The following RNF111 variants were observed in gnomAD, a reference collection of about 807,000 sequenced individuals.
RNF111 encodes the protein ring finger protein 111.
In RNF111, 17 loss-of-function variants were observed where a neutral mutation model predicts 95.1. The observed-to-expected ratio is 0.18, with a 90% CI of 0.12 to 0.27. RNF111 has a LOEUF of 0.27. Ranked by LOEUF, RNF111 falls within the 10% of genes least tolerant of loss-of-function variation. The probability of loss-of-function intolerance (pLI) is 1.00; values close to 1 mark genes in which losing one functional copy is unlikely to be tolerated. For missense variants in RNF111, 1,189 were observed against 1,210.4 expected, an observed-to-expected ratio of 0.98 and a Z score of 0.26; for synonymous variants, 440 against 414.8, an observed-to-expected ratio of 1.06 and a Z score of -0.74.
At chr15:59,085,188 C>G (rs1406722019) in intron 9 of RNF111, among the ~76,000 whole-genome samples, 2 of 152,172 alleles carry the variant, frequency 1.3e-5, no homozygotes, top group African/African-American at 4.8e-5. Context: ...CAGTTTTACC[C>G]CTTCTAAAAT....
At chr15:59,040,208 T>C (rs1427074869) in intron 2 of RNF111, among the ~76,000 whole-genome samples, 4 of 151,932 alleles carry the variant, frequency 2.6e-5, no homozygotes, top group Admixed American at 2.6e-4. Context: ...CTTGACCTCC[T>C]GGGCTCAAGT....
chr15:59,091,688 C>T (rs866742565), intron 12 of RNF111, among the ~76,000 whole-genome samples: 33 of 152,288 alleles, frequency 2.2e-4, no homozygotes, highest in African/African-American at 6.7e-4. Flanking sequence ...ATGTTAAATA[C>T]GTGTCTTAAA....
At chr15:59,034,276 A>C (rs113589308) in intron 2 of RNF111, among the ~76,000 whole-genome samples, 31 of 152,242 alleles carry the variant, frequency 2.0e-4, no homozygotes, top group African/African-American at 7.0e-4. Context: ...CTTGCGTTTT[A>C]TACACCTATG....
At chr15:59,000,588 T>C (rs1304077363) in intron 1 of RNF111, among the ~76,000 whole-genome samples, 3 of 151,686 alleles carry the variant, frequency 2.0e-5, no homozygotes, top group Non-Finnish European at 4.4e-5. Context: ...CGGGCGCCTA[T>C]AATCCTAGCT....
chr15:59,072,463 T>TTC (rs2042976422), intron 6 of RNF111, among the ~76,000 whole-genome samples: 1 of 147,424 alleles, frequency 6.8e-6, no homozygotes. Flanking sequence ...TTTTTTTTTT[T>TTC]TTTTTTTTTT....
At chr15:59,075,242 A>G (rs1429387030) in intron 6 of RNF111, among the ~76,000 whole-genome samples, 3 of 152,236 alleles carry the variant, frequency 2.0e-5, no homozygotes, top group African/African-American at 4.8e-5. Context: ...CAAACCTTCA[A>G]TTTATTAAAA....
chr15:59,020,844 G>T (rs1430786255), intron 1 of RNF111, among the ~76,000 whole-genome samples: 3 of 152,070 alleles, frequency 2.0e-5, no homozygotes, highest in Admixed American at 6.6e-5. Flanking sequence ...AAAGAAATTT[G>T]GTTCTTTGTT....
intron 8 of RNF111, 58 bp downstream of exon 8, chr15:59,081,342 G>C: frequency 7.0e-7 from 1 of 1,428,390 alleles, no homozygotes; most frequent in Non-Finnish European, 9.6e-7. Context: ...ACTTCCATTG[G>C]TCTTTACAAC....
In RNF111 at chr15:59,080,208, C is replaced by G. The variant is rs539582336; in HGVS notation, c.1949-728C>G. ...TGATCTCAGCTCACTGCATCCTCCA[C>G]CTCCCAGGTTCAAGCGATTCTCCTG... On this transcript the variant is annotated intron_variant, in intron 7 of 13. Coordinates refer to ENST00000348370, the MANE Select transcript of RNF111 (RefSeq NM_017610.8). Among the ~76,000 whole-genome samples, 195 of 150,424 alleles carry G rather than the reference C, an allele frequency of 1.3e-3. 1 individual carries two copies. The highest frequency in any genetic ancestry group is 4.9e-4 in the Non-Finnish European group (33 of 67,770).
chr15:59,064,274 G>A (rs761788252), intron 5 of RNF111, among the ~76,000 whole-genome samples: 10 of 152,052 alleles, frequency 6.6e-5, no homozygotes, highest in African/African-American at 1.9e-4. Flanking sequence ...GGTGCCTCAC[G>A]CCTGTAATCC....
chr15:59,057,476 A>G (rs1198760977), intron 4 of RNF111, among the ~76,000 whole-genome samples: 2 of 152,178 alleles, frequency 1.3e-5, no homozygotes, highest in African/African-American at 4.8e-5. Context: ...ATAGCACATT[A>G]AGAGACCCCC....
At chr15:59,028,142 C>G (rs986034822) in intron 1 of RNF111, among the ~76,000 whole-genome samples, 1 of 152,162 alleles carries the variant, frequency 6.6e-6, no homozygotes, top group Admixed American at 6.5e-5. Context: ...TTTCGGCCAT[C>G]ATAGTTGAAT....
intron 2 of RNF111, among the ~76,000 whole-genome samples, chr15:59,038,949 A>G (rs192305130): frequency 1.3e-3 from 192 of 152,138 alleles, no homozygotes; most frequent in African/African-American, 4.4e-3. Context: ...CAGATTCATT[A>G]TATTAGGGGT....
chr15:59,022,972 C>T (rs1327691299), intron 1 of RNF111, among the ~76,000 whole-genome samples: 3 of 152,298 alleles, frequency 2.0e-5, no homozygotes, highest in East Asian at 1.9e-4. Context: ...ATTGGCTGGG[C>T]GCGGTGGCTT....
chr15:59,056,432 C>G (rs559606494), intron 4 of RNF111, among the ~76,000 whole-genome samples: 33 of 152,194 alleles, frequency 2.2e-4, no homozygotes, highest in African/African-American at 7.5e-4. Context: ...TGTGAATTTG[C>G]CCACATATTG....
chr15:59,069,966 G>A (rs538534780), intron 6 of RNF111, among the ~76,000 whole-genome samples: 1 of 146,830 alleles, frequency 6.8e-6, no homozygotes, highest in South Asian at 2.2e-4. Context: ...GATATGATAT[G>A]GCTTTCATCC....
At chr15:59,088,834 C>T (rs936675058) in intron 10 of RNF111, among the ~76,000 whole-genome samples, 1 of 152,144 alleles carries the variant, frequency 6.6e-6, no homozygotes, top group South Asian at 2.1e-4. Flanking sequence ...GTAACTCATG[C>T]GTGAATGAAA....
chr15:59,063,437 C>T (rs999587067), intron 5 of RNF111, among the ~76,000 whole-genome samples: 1 of 152,162 alleles, frequency 6.6e-6, no homozygotes, highest in Non-Finnish European at 1.5e-5. Flanking sequence ...CTAGGAGGCA[C>T]TTTAACCAAA....
intron 2 of RNF111, among the ~76,000 whole-genome samples, chr15:59,043,218 G>C (rs879573569): frequency 6.6e-6 from 1 of 150,674 alleles, no homozygotes; most frequent in African/African-American, 2.4e-5. Flanking sequence ...GCAGTGGTGC[G>C]ATCTCCGCTC....
Sources: allele counts gnomAD v4.1 joint callset (sites outside exome capture counted in the v4.1 genomes callset), GRCh38; gene constraint gnomAD v4.1.1; transcripts MANE v1.5; gene names NCBI Gene and HGNC (gene_info 2026-07-23, HGNC 2026-07-21).